The following SH3RF1 variants were observed in gnomAD, a reference collection of about 807,000 sequenced individuals.
SH3RF1 encodes the protein E3 ubiquitin-protein ligase SH3RF1.
In SH3RF1, 32 loss-of-function variants were observed where a neutral mutation model predicts 74.0. That is an observed-to-expected ratio of 0.43 (90% CI 0.33 to 0.58). SH3RF1 has a LOEUF of 0.58. Among genes scored for constraint, SH3RF1 ranks in the 20% least tolerant of loss-of-function variants. The probability of loss-of-function intolerance (pLI) is 0.05; values close to 1 mark genes in which losing one functional copy is unlikely to be tolerated. For synonymous variants in SH3RF1, 396 were observed against 439.6 expected, an observed-to-expected ratio of 0.90 and a Z score of 1.24; for missense variants, 954 against 1,130.9, an observed-to-expected ratio of 0.84 and a Z score of 2.24.
intron 2 of SH3RF1, among the ~76,000 whole-genome samples, chr4:169,244,244 CAAACACACAAAT>C (rs1730958635): frequency 6.6e-6 from 1 of 152,204 alleles, no homozygotes; most frequent in Non-Finnish European, 1.5e-5. Flanking sequence ...CTGCCCTGCA[CAAACACACAAAT>C]GTGCATGCAC....
In SH3RF1 at chr4:169,136,626, A is replaced by G. The variant is rs370091554; in HGVS notation, c.766-6T>C. ...TGCTTAGCAGCCGAGTTAAACTGCA[A>G]AAGCAACCAACAAACCAACACAAGA... On this transcript the variant is annotated splice_region_variant and splice_polypyrimidine_tract_variant and intron_variant, in intron 4 of 11. Coordinates refer to ENST00000284637, the MANE Select transcript of SH3RF1 (RefSeq NM_020870.4). 1.1e-5 allele frequency: 16 copies of G among 1,493,238 alleles called. No individual in the cohort carries two copies. Among genetic ancestry groups the G allele is most frequent in the Non-Finnish European group, 1.4e-5 (16 of 1,119,200 alleles). 92.5% of individuals were successfully genotyped at this position (1,493,238 alleles called of 1,614,324 possible).
intron 2 of SH3RF1, among the ~76,000 whole-genome samples, chr4:169,168,701 T>C (rs1195923268): frequency 1.3e-5 from 2 of 152,208 alleles, no homozygotes; most frequent in African/African-American, 4.8e-5. Context: ...CTGGAGACTT[T>C]GAAAAAATGA....
intron 6 of SH3RF1, among the ~76,000 whole-genome samples, chr4:169,125,606 CT>C (rs1303157592): frequency 1.8e-4 from 27 of 152,180 alleles, no homozygotes; most frequent in African/African-American, 5.8e-4. Flanking sequence ...CTAATTGTCT[CT>C]TACGTGTGTA....
intron 2 of SH3RF1, among the ~76,000 whole-genome samples, chr4:169,197,746 T>A (rs978166889): frequency 1.3e-5 from 2 of 152,138 alleles, no homozygotes; most frequent in Non-Finnish European, 2.9e-5. Context: ...GACACTTTTT[T>A]TTATAAAATC....
chr4:169,212,151 G>A (rs1730388652), intron 2 of SH3RF1, among the ~76,000 whole-genome samples: 1 of 125,840 alleles, frequency 7.9e-6, no homozygotes, highest in Non-Finnish European at 1.6e-5. Context: ...TGCAACCCCC[G>A]CCTCCCGGGT....
At chr4:169,150,046 G>A (rs1198392440) in intron 4 of SH3RF1, among the ~76,000 whole-genome samples, 1 of 152,148 alleles carries the variant, frequency 6.6e-6, no homozygotes, top group East Asian at 1.9e-4. Context: ...AAGGCCACTT[G>A]TGCTCCCTGA....
chr4:169,183,966 T>A (rs1734563168), intron 2 of SH3RF1, among the ~76,000 whole-genome samples: 1 of 152,080 alleles, frequency 6.6e-6, no homozygotes, highest in Non-Finnish European at 1.5e-5. Context: ...TAACAGGAAG[T>A]TTTGTTTGTT....
chr4:169,187,516 CTGTGTGTGTGTGTG>C (rs60705711), intron 2 of SH3RF1, among the ~76,000 whole-genome samples: 57,380 of 144,022 alleles, frequency 0.4, 12,131 homozygotes, highest in East Asian at 0.63. Context: ...CAACGAATTT[CTGTGTGTGTGTGTG>C]TGTGTGTGTG....
At chr4:169,100,811 C>T (rs985591994) in intron 11 of SH3RF1, among the ~76,000 whole-genome samples, 1 of 152,196 alleles carries the variant, frequency 6.6e-6, no homozygotes, top group African/African-American at 2.4e-5. Flanking sequence ...ACTATCACCA[C>T]AAAAGTCCCA....
chr4:169,115,960 T>C (rs1733325115), intron 10 of SH3RF1, among the ~76,000 whole-genome samples: 1 of 152,202 alleles, frequency 6.6e-6, no homozygotes, highest in Non-Finnish European at 1.5e-5. Flanking sequence ...TCCACGAGAC[T>C]GTAAGCTGCA....
intron 2 of SH3RF1, among the ~76,000 whole-genome samples, chr4:169,194,074 A>C (rs56850332): frequency 0.017 from 2,542 of 152,270 alleles, 74 homozygotes; most frequent in African/African-American, 0.056. Flanking sequence ...CTACCAAGAG[A>C]ACATCCCAAC....
At chr4:169,198,857 G>C (rs1325675789) in intron 2 of SH3RF1, among the ~76,000 whole-genome samples, 1 of 152,140 alleles carries the variant, frequency 6.6e-6, no homozygotes, top group African/African-American at 2.4e-5. Flanking sequence ...TATCTTTAAA[G>C]TGCTGAGAGA....
Position 169,116,366 on chromosome 4 carries a change from C to T in SH3RF1, c.2042G>A (p.Arg681Gln), listed in dbSNP as rs866102642. Residue 681 changes from arginine (R) to glutamine (Q), a missense_variant, in exon 10 of 12, where the codon CGG becomes CAG. Arg to Gln is a conservative substitution (Grantham distance 43). Around this residue, in one of 3 missense-constraint regions of SH3RF1, gnomAD observed 854 missense variants for 962.5 expected, o/e 0.89. Transcript: ENST00000284637. ...GAGTCCAGGGAGAACGGTCACTATC[C>T]GGCCACTGGGCTCAGCCTCCAGAGA... Reference protein sequence around the residue: ...SASLEAEPSGRIVTVLPGLPT... With the variant: ...SASLEAEPSGQIVTVLPGLPT... The T allele has an allele frequency of 1.6e-5, 26 of 1,614,142 alleles. No individual in the cohort carries two copies. Among genetic ancestry groups the T allele is most frequent in the South Asian group, 6.6e-5 (6 of 91,078 alleles).
intron 2 of SH3RF1, among the ~76,000 whole-genome samples, chr4:169,226,786 GGAT>G (rs1730658875): frequency 6.6e-6 from 1 of 152,092 alleles, no homozygotes; most frequent in African/African-American, 2.4e-5. Flanking sequence ...ACTGTGATTG[GGAT>G]GATGAATTGA....
intron 2 of SH3RF1, among the ~76,000 whole-genome samples, chr4:169,241,063 T>C (rs1027909608): frequency 3.3e-5 from 5 of 152,106 alleles, no homozygotes; most frequent in African/African-American, 1.2e-4. Context: ...ACCCCTTCTC[T>C]ACTAAAAATA....
At chr4:169,207,790 A>G (rs1730285803) in intron 2 of SH3RF1, among the ~76,000 whole-genome samples, 1 of 152,222 alleles carries the variant, frequency 6.6e-6, no homozygotes, top group Non-Finnish European at 1.5e-5. Flanking sequence ...CTTGTCTACT[A>G]TGTCAAAAGC....
chr4:169,246,539 C>A (rs901862065), intron 2 of SH3RF1, among the ~76,000 whole-genome samples: 41 of 152,134 alleles, frequency 2.7e-4, no homozygotes, highest in African/African-American at 9.2e-4. Context: ...GATAGGCAGG[C>A]CTGAGGGTGT....
At chr4:169,106,683 T>G (rs1388334114) in intron 11 of SH3RF1, among the ~76,000 whole-genome samples, 164 bp downstream of exon 11, 1 of 151,800 alleles carries the variant, frequency 6.6e-6, no homozygotes, top group South Asian at 2.1e-4. Flanking sequence ...GAAAACAGAG[T>G]ATGTCATGTC....
At chr4:169,161,768 T>C (rs1734151567) in intron 2 of SH3RF1, among the ~76,000 whole-genome samples, 1 of 152,248 alleles carries the variant, frequency 6.6e-6, no homozygotes, top group African/African-American at 2.4e-5. Context: ...TGCTGGCTGA[T>C]TTTAACTTGA....
Sources: gnomAD v4.1 joint callset for allele counts (sites outside exome capture counted in the v4.1 genomes callset) on GRCh38, gnomAD v4.1.1 for gene constraint, gnomAD v4.1.1 regional missense constraint, MANE v1.5 for transcripts, NCBI Gene and HGNC (gene_info 2026-07-23, HGNC 2026-07-21) for gene names.